The following ANKMY1 variants were observed in gnomAD, a reference collection of about 807,000 sequenced individuals.
ANKMY1 encodes ankyrin repeat and MYND domain-containing protein 1.
A neutral mutation model predicts 102.0 loss-of-function variants in ANKMY1; 98 were observed. The ratio of observed to expected loss-of-function variants is 0.96; its 90% CI spans 0.82 to 1.14. The LOEUF is 1.14. Among genes scored for constraint, ANKMY1 ranks in the 50% most tolerant of loss-of-function variants. ANKMY1 has a pLI of 0.00. For missense variants in ANKMY1, 1,330 were observed against 1,347.6 expected, an observed-to-expected ratio of 0.99 and a Z score of 0.20; for synonymous variants, 582 against 559.9, an observed-to-expected ratio of 1.04 and a Z score of -0.56.
chr2:240,503,018 C>T, intron 13 of ANKMY1, among the ~76,000 whole-genome samples: 1 of 152,208 alleles, frequency 6.6e-6, no homozygotes, highest in East Asian at 1.9e-4. Context: ...GTCCTCCACA[C>T]CTCTTTAGAC....
At chr2:240,502,832 A>C (rs1574990579) in intron 13 of ANKMY1, among the ~76,000 whole-genome samples, 2 of 119,614 alleles carry the variant, frequency 1.7e-5, no homozygotes, top group African/African-American at 3.3e-5. Context: ...CTCCCCTCCC[A>C]AGCCCCCACA....
the ANKMY1 span, among the ~76,000 whole-genome samples, chr2:240,471,762 G>C: frequency 6.6e-6 from 1 of 152,168 alleles, no homozygotes; most frequent in African/African-American, 2.4e-5. Flanking sequence ...TCCTGATGGA[G>C]CCCAACTGAG....
the ANKMY1 span, among the ~76,000 whole-genome samples, chr2:240,471,683 AT>A: frequency 6.6e-6 from 1 of 152,152 alleles, no homozygotes; most frequent in Non-Finnish European, 1.5e-5. Context: ...TGCAACAAGA[AT>A]TTGGCAGCCA....
At chr2:240,482,814 G>A (rs2075576199) in intron 15 of ANKMY1, among the ~76,000 whole-genome samples, 1 of 152,148 alleles carries the variant, frequency 6.6e-6, no homozygotes, top group African/African-American at 2.4e-5. Context: ...GGTCTAATAG[G>A]CTTGTATGGT....
At chr2:240,512,687 C>T in intron 10 of ANKMY1, 115 bp downstream of exon 10, 1 of 1,359,850 alleles carries the variant, frequency 7.4e-7, no homozygotes, top group Non-Finnish European at 9.8e-7. Flanking sequence ...CTGCCCAGGC[C>T]CCAAGCCAGG....
At chr2:240,543,609 A>C (rs2089562862) in intron 4 of ANKMY1, among the ~76,000 whole-genome samples, 1 of 152,140 alleles carries the variant, frequency 6.6e-6, no homozygotes, top group South Asian at 2.1e-4. Context: ...GAAAATACCC[A>C]TGTAGTTAAC....
chr2:240,507,879 A>G, intron 12 of ANKMY1, 188 bp from the exon 13 acceptor site: 1 of 596,398 alleles, frequency 1.7e-6, no homozygotes. Flanking sequence ...ACAGAGGATG[A>G]TGCTGGGCGG....
intron 15 of ANKMY1, among the ~76,000 whole-genome samples, chr2:240,498,530 G>T (rs1445105135): frequency 1.1e-5 from 1 of 93,840 alleles, no homozygotes; most frequent in East Asian, 2.8e-4. Flanking sequence ...AGCTGAGGGG[G>T]TGTGCGGGCA....
At chr2:240,491,849 G>A (rs1207488750) in intron 15 of ANKMY1, among the ~76,000 whole-genome samples, 1 of 151,980 alleles carries the variant, frequency 6.6e-6, no homozygotes, top group Non-Finnish European at 1.5e-5. Context: ...TTTTCTCTTT[G>A]ACTTTAGACA....
chr2:240,528,643 G>A (rs2084468392), intron 5 of ANKMY1, among the ~76,000 whole-genome samples: 1 of 152,070 alleles, frequency 6.6e-6, no homozygotes, highest in Non-Finnish European at 1.5e-5. Flanking sequence ...CCCAGGGCCA[G>A]GACTCACCAT....
Position 240,526,361 on chromosome 2 carries a change from C to T in ANKMY1, c.1038G>A (p.Glu346=). 6.2e-7 allele frequency: 1 copy of T among 1,614,264 alleles called. No individual in the cohort carries two copies. Among genetic ancestry groups the T allele is most frequent in the Non-Finnish European group, 8.5e-7 (1 of 1,180,050 alleles). The stretch of plus-strand genomic sequence containing the variant: ...TTAGGATCATCTCCATGGAAAGTTG[C>T]TCTTTGGGCCCACAGGGTGCAAAGC... The part of the protein sequence containing the change: ...RSGFAPCGPK[E]QLSMEMILKA... Residue 346 remains glutamate, a synonymous_variant, in exon 6 of 18, where the codon GAG becomes GAA. Transcript: ENST00000401804.
chr2:240,523,736 C>T, intron 8 of ANKMY1, 149 bp downstream of exon 8: 1 of 1,308,724 alleles, frequency 7.6e-7, no homozygotes, highest in South Asian at 1.5e-5. Context: ...TGGCGTGGAG[C>T]CACCGACACA....
upstream of ANKMY1, chr2:240,560,981 C>T: frequency 1.9e-6 from 3 of 1,541,366 alleles, no homozygotes; most frequent in Non-Finnish European, 1.7e-6. Context: ...GCGGCGCCTG[C>T]CTAGTCTACT....
chr2:240,559,549 G>A (rs952992029), upstream of ANKMY1, among the ~76,000 whole-genome samples: 5 of 152,196 alleles, frequency 3.3e-5, no homozygotes, highest in Non-Finnish European at 7.3e-5. Flanking sequence ...AGAAAGCGGA[G>A]GGAGACAGTG....
chr2:240,510,897 C>G (rs999562236), intron 11 of ANKMY1, among the ~76,000 whole-genome samples: 5 of 152,142 alleles, frequency 3.3e-5, no homozygotes, highest in Non-Finnish European at 7.4e-5. Context: ...CCTGTGTTCA[C>G]TGCCCAGGCC....
chr2:240,500,586 T>C (rs2078009401), intron 13 of ANKMY1, 21 bp from the exon 14 acceptor site: 1 of 1,608,066 alleles, frequency 6.2e-7, no homozygotes, highest in Admixed American at 1.7e-5. Flanking sequence ...CAGAACCAGG[T>C]CAAACACGCA....
chr2:240,507,457 T>A, intron 13 of ANKMY1, 103 bp downstream of exon 13: 9 of 956,696 alleles, frequency 9.4e-6, no homozygotes, highest in Non-Finnish European at 1.2e-5. Context: ...CCCACTCCCC[T>A]CCCCGCTCAT....
chr2:240,481,127 G>C (rs1559221847), intron 16 of ANKMY1, 30 bp from the exon 17 acceptor site: 19 of 1,596,456 alleles, frequency 1.2e-5, no homozygotes, highest in Non-Finnish European at 1.5e-5. Flanking sequence ...TCAGCAGGCG[G>C]CCACTCCAGA....
Position 240,484,858 on chromosome 2 carries a change from AAAAC to A in ANKMY1, c.2807-2601_2807-2598del, listed in dbSNP as rs539718780. Among the ~76,000 whole-genome samples the A allele has an allele frequency of 3.4e-3, 512 of 152,318 alleles. 2 individuals carry two copies. Among genetic ancestry groups the A allele is most frequent in the African/African-American group, 0.012 (479 of 41,572 alleles). ...AAGAAGTAAACACATTTACAAGAAA[AAAAC>A]AAACAACCCCCTCAAAAAGTGGGCA... is the stretch of plus-strand genomic sequence containing the variant. On this transcript the variant is annotated intron_variant, in intron 15 of 17. Coordinates refer to ENST00000401804, the MANE Select transcript of ANKMY1 (RefSeq NM_001282771.3).
Sources: gnomAD v4.1 joint callset for allele counts (sites outside exome capture counted in the v4.1 genomes callset) on GRCh38, gnomAD v4.1.1 for gene constraint, MANE v1.5 for transcripts, NCBI Gene and HGNC (gene_info 2026-07-23, HGNC 2026-07-21) for gene names.